Variants in AOPEP observed in about 807,000 individuals in gnomAD.
AOPEP encodes aminopeptidase O (putative).
AOPEP carries 77 observed loss-of-function variants against 98.1 expected under a neutral mutation model. That is an observed-to-expected ratio of 0.78 (90% CI 0.65 to 0.95). The LOEUF is 0.95. AOPEP is among the 40% of genes least tolerant of loss of function. AOPEP has a pLI of 0.00. For missense variants in AOPEP, 1,024 were observed against 1,024.7 expected (o/e 1.00, Z 0.01); for synonymous variants, 346 against 365.3 (o/e 0.95, Z 0.60).
chr9:94,848,620 TCAAACAAACAAACAAA>T (rs199659665), intron 5 of AOPEP, among the ~76,000 whole-genome samples: 2 of 150,410 alleles, frequency 1.3e-5, no homozygotes, highest in Non-Finnish European at 3.0e-5. Context: ...AGATTCCCAC[TCAAACAAACAAACAAA>T]CAAACAAACC....
At chr9:95,106,660 C>A in the AOPEP span, among the ~76,000 whole-genome samples, 1 of 152,206 alleles carries the variant, frequency 6.6e-6, no homozygotes, top group Admixed American at 6.5e-5. Context: ...TAACAGAATT[C>A]TTTGCACTGT....
intron 5 of AOPEP, among the ~76,000 whole-genome samples, chr9:94,883,468 G>A (rs2047830274): frequency 6.6e-6 from 1 of 152,206 alleles, no homozygotes; most frequent in Non-Finnish European, 1.5e-5. Flanking sequence ...AGTTTGAACA[G>A]TTGGCTGCCT....
chr9:95,096,709 T>C, the AOPEP span, among the ~76,000 whole-genome samples: 3 of 152,140 alleles, frequency 2.0e-5, no homozygotes, highest in Non-Finnish European at 4.4e-5. Flanking sequence ...GCCTGAGAGC[T>C]GGCCGCTGGC....
intron 5 of AOPEP, among the ~76,000 whole-genome samples, chr9:94,887,561 G>C (rs2048378904): frequency 6.6e-6 from 1 of 152,060 alleles, no homozygotes; most frequent in African/African-American, 2.4e-5. Context: ...TAAAGATGAA[G>C]TGAAATGACA....
rs34067261 is a variant in AOPEP, at chr9:94,777,625, C to CTT, written c.964+4482_964+4483dup. On this transcript the variant is annotated intron_variant, in intron 3 of 16. Transcript: ENST00000375315. ...AGGCTTGTACCTAGAATTATATAAT[C>CTT]TTTTTTTTTTTTTTTTTTTTTTTTT... Among the ~76,000 whole-genome samples, 408 of 94,184 alleles carry CTT rather than the reference C, an allele frequency of 4.3e-3. 38 individuals are homozygous for CTT. The highest frequency in any genetic ancestry group is 0.011 in the African/African-American group (235 of 21,558). The allele number at this position is 94,184 out of a possible 152,430, so 61.8% of individuals were successfully genotyped here. A position where few individuals can be genotyped will look rare whatever the true frequency, so the allele number is the denominator to read the frequency against.
intron 13 of AOPEP, among the ~76,000 whole-genome samples, chr9:95,041,869 TC>T (rs1421724813): frequency 6.6e-6 from 1 of 151,582 alleles, no homozygotes; most frequent in East Asian, 1.9e-4. Flanking sequence ...TTTTCTCCCC[TC>T]CCCCCAAACC....
At chr9:94,991,175 G>T (rs2060870789) in intron 11 of AOPEP, among the ~76,000 whole-genome samples, 1 of 152,196 alleles carries the variant, frequency 6.6e-6, no homozygotes, top group South Asian at 2.1e-4. Context: ...TGCAGCCAGA[G>T]CACCCTGCTG....
chr9:95,110,832 A>G, the AOPEP span: 1 of 1,157,574 alleles, frequency 8.6e-7, no homozygotes, highest in Non-Finnish European at 1.1e-6. Context: ...GCTTCCTGTA[A>G]TTATTATATT....
chr9:94,758,686 G>A (rs1837587406), intron 1 of AOPEP, among the ~76,000 whole-genome samples: 1 of 152,104 alleles, frequency 6.6e-6, no homozygotes, highest in Non-Finnish European at 1.5e-5. Context: ...CTGTTCTCCT[G>A]CCATTTCTTT....
intron 5 of AOPEP, among the ~76,000 whole-genome samples, chr9:94,885,240 T>C: frequency 6.6e-6 from 1 of 150,378 alleles, no homozygotes; most frequent in Admixed American, 6.6e-5. Flanking sequence ...TCCTAGCTAC[T>C]TGGTAGGCTG....
At chr9:95,108,009 A>G in the AOPEP span, among the ~76,000 whole-genome samples, 2 of 152,258 alleles carry the variant, frequency 1.3e-5, no homozygotes, top group Non-Finnish European at 2.9e-5. Context: ...AAAGCAAAGC[A>G]AAAACCGAAA....
At chr9:94,745,813 A>G (rs1019045173) in intron 1 of AOPEP, among the ~76,000 whole-genome samples, 11 of 152,232 alleles carry the variant, frequency 7.2e-5, no homozygotes, top group African/African-American at 2.4e-4. Flanking sequence ...TATTGTGAAT[A>G]GTGCTGCAGT....
chr9:94,907,534 T>C (rs2051338839), intron 5 of AOPEP, among the ~76,000 whole-genome samples: 1 of 151,996 alleles, frequency 6.6e-6, no homozygotes, highest in South Asian at 2.1e-4. Flanking sequence ...GGGAAAGGTG[T>C]AAGGAGGAAA....
intron 13 of AOPEP, among the ~76,000 whole-genome samples, chr9:95,012,318 T>C (rs1211302150): frequency 6.6e-6 from 1 of 152,210 alleles, no homozygotes; most frequent in African/African-American, 2.4e-5. Context: ...ATAATTACAC[T>C]ACTATTGATT....
intron 9 of AOPEP, among the ~76,000 whole-genome samples, chr9:94,959,559 G>T (rs1207045871): frequency 6.6e-6 from 1 of 151,850 alleles, no homozygotes. Flanking sequence ...GTATCATATT[G>T]TCTTGATTAC....
At position 95,053,192 on chromosome 9, in the gene AOPEP, T is replaced by A. The variant is rs529866772; in HGVS notation, c.2116-7502T>A. On this transcript the variant is annotated intron_variant, in intron 13 of 16. Coordinates refer to ENST00000375315, the MANE Select transcript of AOPEP (RefSeq NM_001193329.3). The stretch of plus-strand genomic sequence containing the variant: ...TATTAGGAAATACTTGTAGCATGAT[T>A]TAAGAAAAATATTTCAGCTTCAGCT... Among the ~76,000 whole-genome samples the A allele has an allele frequency of 5.9e-5, 9 of 152,318 alleles. No individual in the cohort carries two copies. The East Asian group carries it at 1.5e-3, about 26-fold the overall frequency.
At chr9:94,736,043 T>G (rs780578449) in intron 1 of AOPEP, among the ~76,000 whole-genome samples, 1 of 152,242 alleles carries the variant, frequency 6.6e-6, no homozygotes, top group African/African-American at 2.4e-5. Context: ...ACTGTGTGGA[T>G]GGACATTTTG....
intron 13 of AOPEP, among the ~76,000 whole-genome samples, chr9:95,006,810 G>C (rs2062057924): frequency 1.3e-5 from 2 of 151,972 alleles, no homozygotes; most frequent in Non-Finnish European, 2.9e-5. Flanking sequence ...TTAAATGTTT[G>C]TGAGGTGATG....
chr9:94,886,254 G>T (rs1361308970), intron 5 of AOPEP, among the ~76,000 whole-genome samples: 1 of 152,168 alleles, frequency 6.6e-6, no homozygotes, highest in African/African-American at 2.4e-5. Flanking sequence ...AGTACACAAA[G>T]AAAATAGAGC....
Sources: allele counts gnomAD v4.1 joint callset (sites outside exome capture counted in the v4.1 genomes callset), GRCh38; gene constraint gnomAD v4.1.1; transcripts MANE v1.5; gene names NCBI Gene and HGNC (gene_info 2026-07-23, HGNC 2026-07-21).